SHANK2: variants seen among roughly 807,000 people sequenced by gnomAD.
SHANK2 encodes the protein SH3 and multiple ankyrin repeat domains 2.
Under a neutral mutation model 133.7 loss-of-function variants are expected in SHANK2, and 43 were observed. That is an observed-to-expected ratio of 0.32 (90% CI 0.25 to 0.41). The LOEUF (loss-of-function observed/expected upper bound fraction) is 0.41. Among genes scored for constraint, SHANK2 ranks in the 10% least tolerant of loss-of-function variants. SHANK2 has a pLI of 1.00. For synonymous variants in SHANK2, 1,017 were observed against 952.8 expected, an observed-to-expected ratio of 1.07 and a Z score of -1.24; for missense variants, 1,994 against 2,235.8, an observed-to-expected ratio of 0.89 and a Z score of 2.18.
At chr11:70,647,567 C>T (rs1555008794) in intron 17 of SHANK2, 1 of 152,242 alleles carries the variant, frequency 6.6e-6, no homozygotes, top group African/African-American at 2.4e-5. Flanking sequence ...AAACTTAACA[C>T]AAAGTGAGTT....
At chr11:71,166,358 C>T (rs7110075) in intron 2 of SHANK2, among the ~76,000 whole-genome samples, 39,907 of 152,050 alleles carry the variant, frequency 0.26, 5,801 homozygotes, top group South Asian at 0.36. Flanking sequence ...AGAAATTAAC[C>T]GGACAGCTAC....
At chr11:70,494,659 A>G (rs1555156698) in intron 21 of SHANK2, among the ~76,000 whole-genome samples, 2 of 152,310 alleles carry the variant, frequency 1.3e-5, no homozygotes, top group African/African-American at 4.8e-5. Flanking sequence ...CAGAGGCCAT[A>G]TGGCTGTCAC....
chr11:70,954,684 C>A lies in SHANK2; in HGVS notation c.1108-58117G>T, dbSNP rs188856187. The stretch of plus-strand genomic sequence containing the variant: ...TGAAGAGCGCAATACAACACAGAAC[C>A]ATTGCCAACGGCATTCCTGGGCCTC... On this transcript the variant is annotated intron_variant, in intron 10 of 25. Coordinates refer to ENST00000601538, the MANE Select transcript of SHANK2 (RefSeq NM_012309.5). Among the ~76,000 whole-genome samples the A allele has an allele frequency of 8.3e-4, 126 of 152,340 alleles. 1 individual carries two copies. Among genetic ancestry groups the A allele is most frequent in the African/African-American group, 2.8e-3 (118 of 41,588 alleles).
intron 1 of SHANK2, among the ~76,000 whole-genome samples, chr11:71,248,307 TATG>T (rs1468291928): frequency 2.6e-5 from 4 of 152,210 alleles, no homozygotes; most frequent in Non-Finnish European, 1.5e-5. Flanking sequence ...CATCAAGAAG[TATG>T]ATGAGAAACT....
chr11:71,122,500 T>C (rs1341435294), intron 3 of SHANK2, among the ~76,000 whole-genome samples: 1 of 151,886 alleles, frequency 6.6e-6, no homozygotes, highest in Non-Finnish European at 1.5e-5. Flanking sequence ...CCTGTCTTAG[T>C]GTGGAGGGTT....
intron 14 of SHANK2, among the ~76,000 whole-genome samples, chr11:70,794,621 G>A (rs556691614): frequency 1.5e-3 from 235 of 152,176 alleles, no homozygotes; most frequent in African/African-American, 5.3e-3. Flanking sequence ...GCAATGGTGC[G>A]ACCTTGGCTC....
At chr11:70,729,158 C>A (rs1251551741) in intron 14 of SHANK2, among the ~76,000 whole-genome samples, 1 of 150,200 alleles carries the variant, frequency 6.7e-6, no homozygotes, top group Admixed American at 6.6e-5. Flanking sequence ...GATCGCACCA[C>A]TGCACTCCAG....
At chr11:70,787,626 C>T (rs782698905) in intron 14 of SHANK2, among the ~76,000 whole-genome samples, 1 of 151,934 alleles carries the variant, frequency 6.6e-6, no homozygotes, top group Non-Finnish European at 1.5e-5. Flanking sequence ...AGCATCACCA[C>T]GATCATCACC....
intron 14 of SHANK2, among the ~76,000 whole-genome samples, chr11:70,775,064 C>T (rs576113794): frequency 6.2e-4 from 94 of 152,164 alleles, no homozygotes; most frequent in Non-Finnish European, 8.4e-4. Context: ...GAGGCTGAAG[C>T]GAAAGGATCA....
At chr11:70,721,259 T>C (rs1344221666) in intron 14 of SHANK2, among the ~76,000 whole-genome samples, 1 of 152,230 alleles carries the variant, frequency 6.6e-6, no homozygotes, top group Non-Finnish European at 1.5e-5. Flanking sequence ...TGTGAGGGTT[T>C]CCCTCAGGGA....
intron 17 of SHANK2, among the ~76,000 whole-genome samples, chr11:70,519,243 C>T (rs1347655457): frequency 6.6e-6 from 1 of 152,176 alleles, no homozygotes; most frequent in Non-Finnish European, 1.5e-5. Context: ...CTTTTCAACA[C>T]TTGGATGACT....
chr11:70,503,596 G>A (rs565428553), intron 17 of SHANK2, among the ~76,000 whole-genome samples: 1 of 152,318 alleles, frequency 6.6e-6, no homozygotes, highest in South Asian at 2.1e-4. Context: ...GCAGGCTGGG[G>A]ACCCCCAAGG....
chr11:71,117,355 C>T (rs782433989), intron 4 of SHANK2, among the ~76,000 whole-genome samples: 4 of 152,162 alleles, frequency 2.6e-5, no homozygotes, highest in South Asian at 2.1e-4. Flanking sequence ...AACAGACTAT[C>T]GCGAGGAATA....
chr11:70,486,930 C>T lies in SHANK2; in HGVS notation c.3363G>A (p.Thr1121=). ...DVGLGPPAPR[T]RPSMFPEEGD... Reference sequence around the variant, plus strand: ...CCTCCTCGGGGAACATGGAGGGCCGCGTCCTGGGGGCGGGTGGCCCCAGGC... The same window carrying T: ...CCTCCTCGGGGAACATGGAGGGCCGTGTCCTGGGGGCGGGTGGCCCCAGGC... The change falls in exon 25 of 26, where the codon ACG becomes ACA. Residue 1121 remains threonine (T), a synonymous_variant. Transcript: ENST00000601538. The surrounding 1 kb of genome is among the most constrained non-coding windows in gnomAD (Gnocchi z 8.0). 2.5e-6 allele frequency: 4 copies of T among 1,612,504 alleles called. No homozygotes were observed. Among genetic ancestry groups the T allele is most frequent in the Non-Finnish European group, 3.4e-6 (4 of 1,179,740 alleles).
At chr11:71,169,416 T>C (rs1953260794) in intron 2 of SHANK2, among the ~76,000 whole-genome samples, 1 of 152,206 alleles carries the variant, frequency 6.6e-6, no homozygotes, top group Admixed American at 6.5e-5. Flanking sequence ...ACAATTCATG[T>C]GACTCCAAAA....
chr11:70,701,359 G>A (rs536510949), intron 14 of SHANK2, among the ~76,000 whole-genome samples: 48 of 152,226 alleles, frequency 3.2e-4, no homozygotes, highest in East Asian at 1.4e-3. Flanking sequence ...AGGATATTAA[G>A]AACAGTAAAT....
At chr11:71,164,124 T>C (rs1185648352) in intron 2 of SHANK2, among the ~76,000 whole-genome samples, 3 of 152,170 alleles carry the variant, frequency 2.0e-5, no homozygotes, top group Non-Finnish European at 4.4e-5. Flanking sequence ...CTCCCCACAG[T>C]TGACTTGGGT....
rs1948200552 is a variant in SHANK2 at position 71,252,438 on chromosome 11, T to G, written c.-126A>C. 1 of 151,020 alleles carries G rather than the reference T, an allele frequency of 6.6e-6. No homozygotes were observed. The highest frequency in any genetic ancestry group is 2.4e-5 in the African/African-American group (1 of 41,018). The allele number at this position is 151,020 out of a possible 1,614,324, so 9.4% of individuals were successfully genotyped here. ...CCGCCGCCTCACCTGGCTCGGCGAG[T>G]CGGGGGCGGGTCCGAGCCCCCCGGG... is the stretch of plus-strand genomic sequence containing the variant. On this transcript the variant is annotated 5_prime_UTR_variant, in exon 1 of 26. Coordinates refer to ENST00000601538, the MANE Select transcript of SHANK2 (RefSeq NM_012309.5). The surrounding 1 kb of genome is among the most constrained non-coding windows in gnomAD (Gnocchi z 6.3).
rs1555106923 is a variant in SHANK2, at chr11:71,147,309, T to C, written c.18A>G (p.Thr6=). The C allele has an allele frequency of 1.9e-6, 3 of 1,550,612 alleles. No homozygotes were observed. The highest frequency in any genetic ancestry group is 2.0e-5 in the Admixed American group (1 of 50,982). The change falls in exon 3 of 26, where the codon ACA becomes ACG. Residue 6 remains threonine, a synonymous_variant. Transcript: ENST00000601538. MPRSP[T]SSEDEMAQSF... ...TCTGGGCCATCTCGTCCTCGCTGGA[T>C]GTTGGGCTGCGCGGCATGGCTGCCT...
Sources: gnomAD v4.1 joint callset for allele counts (sites outside exome capture counted in the v4.1 genomes callset) on GRCh38, gnomAD v4.1.1 for gene constraint, Gnocchi (gnomAD v3.1) non-coding constraint, MANE v1.5 for transcripts, NCBI Gene and HGNC (gene_info 2026-07-23, HGNC 2026-07-21) for gene names.